AGFG1: variants seen among roughly 807,000 people sequenced by gnomAD.
AGFG1 encodes the protein ArfGAP with FG repeats 1, also known as arf-GAP domain and FG repeat-containing protein 1.
A neutral mutation model predicts 60.6 loss-of-function variants in AGFG1; 10 were observed. That is an observed-to-expected ratio of 0.16 (90% confidence interval 0.10 to 0.28). The LOEUF (loss-of-function observed/expected upper bound fraction) is 0.28. AGFG1 is among the 10% of genes least tolerant of loss of function. The pLI is 1.00. For missense variants in AGFG1, 537 were observed against 676.5 expected (o/e 0.79, Z 2.29); for synonymous variants, 247 against 242.9 (o/e 1.02, Z -0.16).
intron 1 of AGFG1, among the ~76,000 whole-genome samples, chr2:227,486,650 ATATT>A (rs1456989867): frequency 6.6e-6 from 1 of 152,180 alleles, no homozygotes; most frequent in Non-Finnish European, 1.5e-5. Flanking sequence ...AGAGAGAGAA[ATATT>A]TATTCTGTTT....
In AGFG1 at chr2:227,519,933, T is replaced by C; in HGVS notation, c.262-15T>C. 1 of 1,471,426 alleles carries C rather than the reference T, an allele frequency of 6.8e-7. No individual in the cohort carries two copies. The highest frequency in any genetic ancestry group is 9.3e-7 in the Non-Finnish European group (1 of 1,076,586). The allele number at this position is 1,471,426 out of a possible 1,614,324, so 91.1% of individuals were successfully genotyped here. A position where few individuals can be genotyped will look rare whatever the true frequency, so the allele number is the denominator to read the frequency against. On this transcript the variant is annotated splice_polypyrimidine_tract_variant and intron_variant, in intron 2 of 12. Transcript: ENST00000310078. ...ATGTTGAATTTAACATATATTTTTT[T>C]AATTCTTTCCAAAGGTCTGTAAACA...
chr2:227,539,891 A>AGT (rs1692433375), intron 10 of AGFG1, among the ~76,000 whole-genome samples: 1 of 152,080 alleles, frequency 6.6e-6, no homozygotes, highest in African/African-American at 2.4e-5. Flanking sequence ...ACTGGAGTGC[A>AGT]GTGGCTTAAT....
intron 2 of AGFG1, among the ~76,000 whole-genome samples, chr2:227,497,479 A>G (rs537404461): frequency 2.8e-4 from 43 of 152,200 alleles, no homozygotes; most frequent in Non-Finnish European, 5.0e-4. Context: ...TAATCCCATC[A>G]GTCTTTCAGG....
chr2:227,546,910 C>G (rs1692666200), intron 10 of AGFG1, among the ~76,000 whole-genome samples: 1 of 152,108 alleles, frequency 6.6e-6, no homozygotes, highest in African/African-American at 2.4e-5. Flanking sequence ...AAGGTACTTA[C>G]CAAAATGCAG....
intron 1 of AGFG1, among the ~76,000 whole-genome samples, chr2:227,478,424 C>G (rs1229368246): frequency 6.6e-6 from 1 of 151,904 alleles, no homozygotes; most frequent in Admixed American, 6.6e-5. Flanking sequence ...TTCACTGCAG[C>G]CTTGACCTCC....
At chr2:227,520,772 T>G (rs1691800334) in intron 3 of AGFG1, among the ~76,000 whole-genome samples, 1 of 152,222 alleles carries the variant, frequency 6.6e-6, no homozygotes, top group South Asian at 2.1e-4. Context: ...CTATGAACTT[T>G]TGGTTATTTC....
rs781348626 is a variant in AGFG1 at position 227,531,152 on chromosome 2, G to C, written c.756G>C (p.Ser252=). The change falls in exon 6 of 13, where the codon TCG becomes TCC. Residue 252 remains serine (S), a synonymous_variant. Transcript: ENST00000310078. ...ATGCATTTGGACAGTCTAGTGGTTC[G>C]AGTAATTTTGGAGGTTTCCCCACAG... The part of the protein sequence containing the change: ...NFDAFGQSSG[S]SNFGGFPTAS... 6.2e-7 allele frequency: 1 copy of C among 1,613,544 alleles called. No homozygotes were observed. Among genetic ancestry groups the C allele is most frequent in the African/African-American group, 1.3e-5 (1 of 74,874 alleles).
chr2:227,495,136 C>T (rs1034820443), intron 2 of AGFG1, among the ~76,000 whole-genome samples: 3 of 152,068 alleles, frequency 2.0e-5, no homozygotes, highest in East Asian at 3.9e-4. Flanking sequence ...TAAAATATTT[C>T]GCATTGGAGC....
intron 8 of AGFG1, among the ~76,000 whole-genome samples, chr2:227,535,701 A>G (rs1692289152): frequency 6.6e-6 from 1 of 152,128 alleles, no homozygotes; most frequent in Non-Finnish European, 1.5e-5. Context: ...GTATTTACTA[A>G]TTTCTTTAGT....
At chr2:227,519,390 T>A (rs1288941016) in intron 2 of AGFG1, among the ~76,000 whole-genome samples, 1 of 152,228 alleles carries the variant, frequency 6.6e-6, no homozygotes, top group African/African-American at 2.4e-5. Flanking sequence ...TTGTGCTATT[T>A]TATTTCATTT....
chr2:227,525,635 T>C (rs1691970676), intron 5 of AGFG1, among the ~76,000 whole-genome samples: 1 of 152,244 alleles, frequency 6.6e-6, no homozygotes, highest in Non-Finnish European at 1.5e-5. Flanking sequence ...AGAAATTTGC[T>C]TATTTGTCCT....
At chr2:227,472,623 T>C in intron 1 of AGFG1, 35 bp downstream of exon 1, 1 of 1,474,484 alleles carries the variant, frequency 6.8e-7, no homozygotes, top group Non-Finnish European at 9.2e-7. Flanking sequence ...TGTCGGGCCC[T>C]TCCCGGGAGG....
chr2:227,526,859 T>C (rs552603011), intron 5 of AGFG1, among the ~76,000 whole-genome samples: 1 of 152,276 alleles, frequency 6.6e-6, no homozygotes, highest in African/African-American at 2.4e-5. Flanking sequence ...GATACTTTTT[T>C]GATAGAACTC....
Position 227,536,622 on chromosome 2 carries a change from C to T in AGFG1, c.1206-3C>T, listed in dbSNP as rs1378955930. ...AATGAACTCTTTCAATATTTGTTCT[C>T]AGCAATGTTTTTGGAACAGTGCCAG... On this transcript the variant is annotated splice_polypyrimidine_tract_variant and splice_region_variant and intron_variant, in intron 8 of 12. Coordinates refer to ENST00000310078, the MANE Select transcript of AGFG1 (RefSeq NM_004504.5). 3.1e-6 allele frequency: 5 copies of T among 1,611,388 alleles called. No individual in the cohort carries two copies. The highest frequency in any genetic ancestry group is 4.5e-5 in the East Asian group (2 of 44,828).
rs1690344296 is a variant in AGFG1 at position 227,478,251 on chromosome 2, AAT to A, written c.167+5665_167+5666del. ...AGCAAGCAATCAGTAAAAAAAAAAA[AAT>A]ACATACATGCACACATACATATACA... On this transcript the variant is annotated intron_variant, in intron 1 of 12. Coordinates refer to ENST00000310078, the MANE Select transcript of AGFG1 (RefSeq NM_004504.5). Among the ~76,000 whole-genome samples, 4 of 150,438 alleles carry A rather than the reference AAT, an allele frequency of 2.7e-5. No homozygotes were observed. In the South Asian group the frequency reaches 8.4e-4, roughly 31 times the overall value.
At chr2:227,545,468 G>T (rs1260593156) in intron 10 of AGFG1, among the ~76,000 whole-genome samples, 1 of 152,202 alleles carries the variant, frequency 6.6e-6, no homozygotes, top group Non-Finnish European at 1.5e-5. Context: ...CTGTCAGTTC[G>T]TCTAAAGTCA....
chr2:227,541,565 G>T (rs1305425384), intron 10 of AGFG1, among the ~76,000 whole-genome samples: 1 of 152,088 alleles, frequency 6.6e-6, no homozygotes, highest in Admixed American at 6.6e-5. Context: ...TATTTGTTTT[G>T]GTACCAGTAC....
At position 227,491,320 on chromosome 2, in the gene AGFG1, G is replaced by A. The variant is rs183269997; in HGVS notation, c.168-227G>A. On this transcript the variant is annotated intron_variant, in intron 1 of 12. Transcript: ENST00000310078. ...AGTTACTTTGTGTTTTTAACTAGGTGGTTAATTGAATTTATTGTTAAGTCT... is the reference window on the plus strand; with the variant it reads ...AGTTACTTTGTGTTTTTAACTAGGTAGTTAATTGAATTTATTGTTAAGTCT... Among the ~76,000 whole-genome samples, 1,365 of 152,046 alleles carry A rather than the reference G, an allele frequency of 9.0e-3. 13 individuals carry two copies. Among genetic ancestry groups the A allele is most frequent in the Non-Finnish European group, 0.012 (817 of 67,956 alleles).
intron 1 of AGFG1, among the ~76,000 whole-genome samples, chr2:227,476,053 A>G (rs547070670): frequency 6.6e-6 from 1 of 152,180 alleles, no homozygotes; most frequent in Non-Finnish European, 1.5e-5. Flanking sequence ...ACTTGGAGCT[A>G]ATCTTTCTTG....
Sources: gnomAD v4.1 joint callset for allele counts (sites outside exome capture counted in the v4.1 genomes callset) on GRCh38, gnomAD v4.1.1 for gene constraint, MANE v1.5 for transcripts, NCBI Gene and HGNC (gene_info 2026-07-23, HGNC 2026-07-21) for gene names.